ATRN: variants seen among roughly 807,000 people sequenced by gnomAD.
The protein encoded by ATRN is attractin, also known as attractin-2.
In ATRN, 54 loss-of-function variants were observed where a neutral mutation model predicts 178.7. The observed-to-expected ratio is 0.30, with a 90% CI of 0.24 to 0.38. The LOEUF is 0.38. ATRN is among the 10% of genes least tolerant of loss of function. The probability of loss-of-function intolerance (pLI) is 1.00; values close to 1 mark genes in which losing one functional copy is unlikely to be tolerated. For synonymous variants in ATRN, 636 were observed against 663.0 expected, an observed-to-expected ratio of 0.96 and a Z score of 0.63; for missense variants, 1,443 against 1,815.1, an observed-to-expected ratio of 0.79 and a Z score of 3.73.
At chr20:3,641,206 A>C (rs1164913975) in intron 27 of ATRN, among the ~76,000 whole-genome samples, 1 of 152,208 alleles carries the variant, frequency 6.6e-6, no homozygotes, top group Non-Finnish European at 1.5e-5. Context: ...GTTGCACAAC[A>C]ATGTGAATAT....
chr20:3,522,711 GAGGA>G (rs1568704760), intron 1 of ATRN, among the ~76,000 whole-genome samples: 1 of 152,214 alleles, frequency 6.6e-6, no homozygotes, highest in Non-Finnish European at 1.5e-5. Flanking sequence ...GAAGCTTCCA[GAGGA>G]AGGAACAGGT....
At chr20:3,630,971 G>T (rs1345732074) in intron 25 of ATRN, among the ~76,000 whole-genome samples, 4 of 80,766 alleles carry the variant, frequency 5.0e-5, no homozygotes, top group East Asian at 3.3e-4. Flanking sequence ...TTTTGGGATA[G>T]GGTCTCTGTT....
At chr20:3,571,940 G>A (rs1276308279) in intron 11 of ATRN, among the ~76,000 whole-genome samples, 1 of 151,818 alleles carries the variant, frequency 6.6e-6, no homozygotes, top group East Asian at 1.9e-4. Flanking sequence ...CTGCTTGTGT[G>A]TTTTGTTTTT....
chr20:3,490,008 T>C (rs2084763426), intron 1 of ATRN: 1 of 987,460 alleles, frequency 1.0e-6, no homozygotes, highest in Non-Finnish European at 1.6e-6. Context: ...ATGAGTGAGA[T>C]GTTGCTGTTC....
At chr20:3,599,555 A>G (rs1283381205) in intron 22 of ATRN, among the ~76,000 whole-genome samples, 1 of 152,214 alleles carries the variant, frequency 6.6e-6, no homozygotes, top group African/African-American at 2.4e-5. Context: ...TGAGCAATAC[A>G]GGTTAAAACT....
At chr20:3,627,043 TC>T (rs1259333052) in intron 25 of ATRN, among the ~76,000 whole-genome samples, 2 of 152,166 alleles carry the variant, frequency 1.3e-5, no homozygotes, top group Non-Finnish European at 2.9e-5. Context: ...CGCCTCTGCC[TC>T]CCAAAGTGCT....
At chr20:3,475,354 C>T (rs1188456934) in intron 1 of ATRN, among the ~76,000 whole-genome samples, 2 of 152,084 alleles carry the variant, frequency 1.3e-5, no homozygotes, top group African/African-American at 4.8e-5. Flanking sequence ...TTTTCATGTA[C>T]ATTGTATTAT....
At chr20:3,640,306 C>T (rs867723699) in intron 27 of ATRN, among the ~76,000 whole-genome samples, 10 of 152,036 alleles carry the variant, frequency 6.6e-5, no homozygotes, top group Admixed American at 2.0e-4. Context: ...GAAAAAAGTA[C>T]GCAGAATGCA....
rs147007493 is a variant in ATRN at position 3,562,453 on chromosome 20, A to G, written c.1625A>G (p.Gln542Arg). ...CTCTACCGATATGATGTGGATACCCAGATGTGGTGGGTACTTTTTCTTGAG... is the reference window on the plus strand; with the variant it reads ...CTCTACCGATATGATGTGGATACCCGGATGTGGTGGGTACTTTTTCTTGAG... ...DDLYRYDVDT[Q>R]MWTILKDSRF... Residue 542 changes from glutamine to arginine, a missense_variant, in exon 9 of 29, where the codon CAG becomes CGG. By Grantham distance (43) the Gln-to-Arg change is conservative (BLOSUM62 1). This residue lies in a region of ATRN where 862 missense variants were observed against 972.1 expected (regional missense o/e 0.89). Transcript: ENST00000262919. 133 of 1,613,602 alleles carry G rather than the reference A, an allele frequency of 8.2e-5. No individual in the cohort carries two copies. Among genetic ancestry groups the G allele is most frequent in the Non-Finnish European group, 1.1e-4 (124 of 1,179,862 alleles).
Position 3,591,264 on chromosome 20 carries a change from T to C in ATRN, c.3280T>C (p.Ser1094Pro). ...AGGCAAGCACTGCGAGACCTGCATA[T>C]CTGGCTTCTACGGTGATCCCACCAA... is the stretch of plus-strand genomic sequence containing the variant. ...TTGKHCETCI[S>P]GFYGDPTNGG... is the part of the protein sequence containing the mutation. The change falls in exon 19 of 29, where the codon TCT becomes CCT. Residue 1094 changes from serine (S) to proline (P), a missense_variant. Around this residue, in one of 4 missense-constraint regions of ATRN, gnomAD observed 289 missense variants for 440.8 expected, o/e 0.66. Coordinates refer to ENST00000262919, the MANE Select transcript of ATRN (RefSeq NM_139321.3). 6.2e-7 allele frequency: 1 copy of C among 1,614,176 alleles called. No homozygotes were observed. Among genetic ancestry groups the C allele is most frequent in the Non-Finnish European group, 8.5e-7 (1 of 1,180,020 alleles).
chr20:3,539,358 G>C (rs1361412708), intron 2 of ATRN, among the ~76,000 whole-genome samples: 1 of 152,148 alleles, frequency 6.6e-6, no homozygotes, highest in Non-Finnish European at 1.5e-5. Flanking sequence ...TAGAGGGAGA[G>C]TTGGGATTTG....
At chr20:3,483,329 G>C (rs2084646981) in intron 1 of ATRN, among the ~76,000 whole-genome samples, 1 of 152,100 alleles carries the variant, frequency 6.6e-6, no homozygotes, top group Non-Finnish European at 1.5e-5. Context: ...AACTTTTGCT[G>C]TTACAAATAG....
chr20:3,520,144 T>A (rs563234302), intron 1 of ATRN, among the ~76,000 whole-genome samples: 1 of 152,238 alleles, frequency 6.6e-6, no homozygotes, highest in Non-Finnish European at 1.5e-5. Context: ...TTTAATAGAA[T>A]GGACATAAGG....
At chr20:3,646,066 A>G (rs2087105796) in intron 28 of ATRN, among the ~76,000 whole-genome samples, 1 of 152,168 alleles carries the variant, frequency 6.6e-6, no homozygotes, top group Non-Finnish European at 1.5e-5. Context: ...GCCAGGTACT[A>G]AGACTTTGTC....
Position 3,578,595 on chromosome 20 carries a change from C to T in ATRN, c.2367C>T (p.Gly789=). 1 of 1,606,380 alleles carries T rather than the reference C, an allele frequency of 6.2e-7. No homozygotes were observed. The highest frequency in any genetic ancestry group is 8.5e-7 in the Non-Finnish European group (1 of 1,175,548). Residue 789 remains glycine (G), a synonymous_variant, in exon 15 of 29, where the codon GGC becomes GGT. Transcript: ENST00000262919. ...ECIALPENIC[G]IGWHLVGNSC... is the part of the protein sequence containing the mutation. ...CCTTAATGAAAGAAAATATCTGTGG[C>T]ATTGGCTGGCATTTGGTTGGAAACT...
At chr20:3,482,212 AC>A (rs1037121134) in intron 1 of ATRN, among the ~76,000 whole-genome samples, 14 of 151,934 alleles carry the variant, frequency 9.2e-5, no homozygotes, top group African/African-American at 3.4e-4. Context: ...TCTATTTAAA[AC>A]GTGGTGCATA....
chr20:3,573,511 G>T (rs928130823), intron 12 of ATRN, among the ~76,000 whole-genome samples: 1 of 152,158 alleles, frequency 6.6e-6, no homozygotes. Flanking sequence ...TTTTGGTGGA[G>T]GGAGGGAGAG....
chr20:3,582,452 A>T, intron 16 of ATRN, 98 bp downstream of exon 16: 2 of 1,095,254 alleles, frequency 1.8e-6, no homozygotes. Context: ...TAGTCATGAA[A>T]ACAGATGAAG....
chr20:3,532,522 A>G (rs552064754), intron 1 of ATRN, among the ~76,000 whole-genome samples: 1 of 152,352 alleles, frequency 6.6e-6, no homozygotes, highest in African/African-American at 2.4e-5. Flanking sequence ...CAAAGTCCAG[A>G]TAGAGAAGAA....
Sources: allele counts gnomAD v4.1 joint callset (sites outside exome capture counted in the v4.1 genomes callset), GRCh38; gene constraint gnomAD v4.1.1; regional missense constraint gnomAD v4.1.1; transcripts MANE v1.5; gene names NCBI Gene and HGNC (gene_info 2026-07-23, HGNC 2026-07-21).